SMAP1: variants seen among roughly 807,000 people sequenced by gnomAD.
SMAP1 encodes stromal membrane-associated protein 1.
A neutral mutation model predicts 58.5 loss-of-function variants in SMAP1; 24 were observed. That is an observed-to-expected ratio of 0.41 (90% confidence interval 0.30 to 0.58). The LOEUF is 0.58. SMAP1 is among the 20% of genes least tolerant of loss of function. The pLI, the probability that SMAP1 is intolerant of heterozygous loss-of-function variation, is 0.29. For missense variants in SMAP1, 563 were observed against 566.3 expected (o/e 0.99, Z 0.06); for synonymous variants, 216 against 196.6 (o/e 1.10, Z -0.82).
intron 6 of SMAP1, among the ~76,000 whole-genome samples, chr6:70,826,689 A>G (rs1194628024): frequency 6.6e-6 from 1 of 151,964 alleles, no homozygotes. Context: ...CTGGGAGGTC[A>G]AGGCTTCAGT....
chr6:70,823,130 G>A (rs1049556076), intron 6 of SMAP1, among the ~76,000 whole-genome samples: 2 of 152,114 alleles, frequency 1.3e-5, no homozygotes, highest in Admixed American at 6.5e-5. Context: ...AATTGAGTAT[G>A]GCTATGATGC....
chr6:70,800,841 T>G (rs1305108427), intron 6 of SMAP1, among the ~76,000 whole-genome samples: 2 of 152,202 alleles, frequency 1.3e-5, no homozygotes, highest in African/African-American at 4.8e-5. Context: ...GTGAAGGACA[T>G]GAACTCGTCC....
At chr6:70,683,949 A>C (rs554460497) in intron 1 of SMAP1, among the ~76,000 whole-genome samples, 1 of 152,238 alleles carries the variant, frequency 6.6e-6, no homozygotes. Flanking sequence ...TGACCTTCAC[A>C]AAAGATAGCA....
chr6:70,748,072 C>G (rs75854997), intron 2 of SMAP1, among the ~76,000 whole-genome samples: 4,517 of 152,094 alleles, frequency 0.03, 136 homozygotes, highest in South Asian at 0.11. Context: ...AAACGGTGGC[C>G]CTTCTTTTCC....
chr6:70,775,183 T>C (rs1336341289), intron 4 of SMAP1, among the ~76,000 whole-genome samples: 1 of 152,168 alleles, frequency 6.6e-6, no homozygotes, highest in African/African-American at 2.4e-5. Flanking sequence ...TTAAGGCCGC[T>C]GTAAGCATTG....
chr6:70,754,262 T>C (rs1315921935), intron 2 of SMAP1, among the ~76,000 whole-genome samples: 1 of 152,140 alleles, frequency 6.6e-6, no homozygotes, highest in Non-Finnish European at 1.5e-5. Context: ...GTTTGCATAG[T>C]CATTCCTCAT....
At position 70,861,146 on chromosome 6, in the gene SMAP1, A is replaced by C. The variant is rs1466299368; in HGVS notation, c.*812A>C. On this transcript the variant is annotated 3_prime_UTR_variant, in exon 11 of 11. Coordinates refer to ENST00000370455, the MANE Select transcript of SMAP1 (RefSeq NM_001044305.3). ...AGTATTGACAAAATGTTATTTCCCTACATTAAACATGACTCCATAGACCTT... is the reference window on the plus strand; with the variant it reads ...AGTATTGACAAAATGTTATTTCCCTCCATTAAACATGACTCCATAGACCTT... 1 of 163,642 alleles carries C rather than the reference A, an allele frequency of 6.1e-6. No individual in the cohort carries two copies. The highest frequency in any genetic ancestry group is 1.8e-4 in the East Asian group (1 of 5,628). The allele number at this position is 163,642 out of a possible 1,614,324, so 10.1% of individuals were successfully genotyped here.
intron 1 of SMAP1, among the ~76,000 whole-genome samples, chr6:70,717,895 A>G (rs566751348): frequency 1.3e-5 from 2 of 152,304 alleles, no homozygotes; most frequent in South Asian, 4.1e-4. Flanking sequence ...AATATATTGA[A>G]TTTCAGGAAG....
intron 2 of SMAP1, among the ~76,000 whole-genome samples, chr6:70,743,231 C>T (rs1370111612): frequency 6.6e-6 from 1 of 152,152 alleles, no homozygotes; most frequent in African/African-American, 2.4e-5. Context: ...TTGTTTCTGG[C>T]AGGTCTAGTG....
chr6:70,749,343 T>A (rs1441480851), intron 2 of SMAP1, among the ~76,000 whole-genome samples: 3 of 152,130 alleles, frequency 2.0e-5, no homozygotes, highest in Non-Finnish European at 4.4e-5. Flanking sequence ...CGAGATGAGA[T>A]CTGGGTGGGG....
At chr6:70,733,873 T>G (rs757665410) in intron 2 of SMAP1, among the ~76,000 whole-genome samples, 31 of 152,158 alleles carry the variant, frequency 2.0e-4, no homozygotes, top group Non-Finnish European at 3.7e-4. Context: ...AATTAGGTTG[T>G]TGAGAGGAAA....
intron 7 of SMAP1, among the ~76,000 whole-genome samples, chr6:70,840,863 A>G (rs892932031): frequency 6.6e-5 from 10 of 152,340 alleles, no homozygotes; most frequent in African/African-American, 2.4e-4. Context: ...TGAATCAAAC[A>G]CAGACATATC....
At chr6:70,675,227 C>A (rs1581978885) in intron 1 of SMAP1, among the ~76,000 whole-genome samples, 1 of 118,564 alleles carries the variant, frequency 8.4e-6, no homozygotes, top group Non-Finnish European at 1.6e-5. Context: ...TTTTTTTTAC[C>A]AGAGATGATG....
chr6:70,750,235 A>T (rs1030578928), intron 2 of SMAP1, among the ~76,000 whole-genome samples: 7 of 152,236 alleles, frequency 4.6e-5, no homozygotes, highest in African/African-American at 1.4e-4. Context: ...GTGATTTTTT[A>T]AAAAAATATT....
At chr6:70,673,195 A>G (rs1766338920) in intron 1 of SMAP1, among the ~76,000 whole-genome samples, 1 of 152,208 alleles carries the variant, frequency 6.6e-6, no homozygotes, top group Non-Finnish European at 1.5e-5. Flanking sequence ...GCCACTGCTG[A>G]ACTGCTTTCA....
intron 1 of SMAP1, among the ~76,000 whole-genome samples, chr6:70,680,643 CATT>C (rs1766661527): frequency 6.8e-6 from 1 of 147,650 alleles, no homozygotes; most frequent in Non-Finnish European, 1.5e-5. Context: ...GTCATAAAAA[CATT>C]ATATTTACAA....
chr6:70,801,238 G>T (rs139442464), intron 6 of SMAP1, among the ~76,000 whole-genome samples: 1 of 152,118 alleles, frequency 6.6e-6, no homozygotes, highest in Non-Finnish European at 1.5e-5. Context: ...GTATCTCATC[G>T]TGGTTTTGAT....
At chr6:70,745,589 G>T (rs1394333359) in intron 2 of SMAP1, among the ~76,000 whole-genome samples, 5 of 152,154 alleles carry the variant, frequency 3.3e-5, no homozygotes, top group African/African-American at 9.7e-5. Flanking sequence ...TTGTAGTATA[G>T]TTTGAAGTCA....
intron 1 of SMAP1, among the ~76,000 whole-genome samples, chr6:70,727,813 A>G (rs957476494): frequency 1.3e-5 from 2 of 152,174 alleles, no homozygotes; most frequent in Non-Finnish European, 2.9e-5. Context: ...CTGTAATCCC[A>G]GCAGTTTGAG....
Sources: gnomAD v4.1 joint callset for allele counts (sites outside exome capture counted in the v4.1 genomes callset) on GRCh38, gnomAD v4.1.1 for gene constraint, MANE v1.5 for transcripts, NCBI Gene and HGNC (gene_info 2026-07-23, HGNC 2026-07-21) for gene names.